Variants in RHOJ observed in about 807,000 individuals in gnomAD.
RHOJ encodes the protein ras homolog family member J.
A neutral mutation model predicts 23.4 loss-of-function variants in RHOJ; 11 were observed. That is an observed-to-expected ratio of 0.47 (90% CI 0.30 to 0.78). The LOEUF (loss-of-function observed/expected upper bound fraction) is 0.78, where lower values mean the gene tolerates loss of function less well. Among genes scored for constraint, RHOJ ranks in the 30% least tolerant of loss-of-function variants. The pLI is 0.08. For synonymous variants in RHOJ, 102 were observed against 102.7 expected (o/e 0.99, Z 0.04); for missense variants, 254 against 273.4 (o/e 0.93, Z 0.50).
At chr14:63,271,311 T>A (rs1402569122) in intron 2 of RHOJ, among the ~76,000 whole-genome samples, 1 of 152,232 alleles carries the variant, frequency 6.6e-6, no homozygotes, top group Non-Finnish European at 1.5e-5. Flanking sequence ...TTTTCACATA[T>A]AATCTCAAGA....
intron 1 of RHOJ, among the ~76,000 whole-genome samples, chr14:63,232,070 G>A (rs747535926): frequency 3.3e-5 from 5 of 152,160 alleles, no homozygotes; most frequent in African/African-American, 9.7e-5. Flanking sequence ...TGGCATGCCC[G>A]AGGCAGGGAA....
At chr14:63,282,107 G>C (rs191934124) in intron 3 of RHOJ, among the ~76,000 whole-genome samples, 1 of 152,132 alleles carries the variant, frequency 6.6e-6, no homozygotes, top group South Asian at 2.1e-4. Flanking sequence ...AAAGATAATC[G>C]TTTGTTTAAA....
chr14:63,205,020 G>T lies in RHOJ; in HGVS notation c.151G>T (p.Val51Leu). ...CAACGACGCCTTCCCAGAGGAATAC[G>T]TGCCCACTGTGTTTGACCACTATGC... ...YANDAFPEEY[V>L]PTVFDHYAVT... The change falls in exon 1 of 5, where the codon GTG (valine) becomes TTG (leucine). Residue 51 changes from valine to leucine, a missense_variant. Coordinates refer to ENST00000316754, the MANE Select transcript of RHOJ (RefSeq NM_020663.5). 6.2e-7 allele frequency: 1 copy of T among 1,614,146 alleles called. No individual in the cohort carries two copies. Among genetic ancestry groups the T allele is most frequent in the South Asian group, 1.1e-5 (1 of 91,062 alleles).
At chr14:63,218,499 A>G (rs1894414112) in intron 1 of RHOJ, among the ~76,000 whole-genome samples, 1 of 152,216 alleles carries the variant, frequency 6.6e-6, no homozygotes. Flanking sequence ...ATATGGTATC[A>G]TTTTAATAGA....
chr14:63,249,329 G>A (rs1895028726), intron 1 of RHOJ, among the ~76,000 whole-genome samples: 1 of 152,200 alleles, frequency 6.6e-6, no homozygotes, highest in African/African-American at 2.4e-5. Flanking sequence ...ACAGCAACAG[G>A]ATGCAGTCCA....
At chr14:63,253,814 T>G (rs968829891) in intron 1 of RHOJ, among the ~76,000 whole-genome samples, 37 of 152,332 alleles carry the variant, frequency 2.4e-4, no homozygotes, top group African/African-American at 8.7e-4. Flanking sequence ...AATGTGATAG[T>G]TAAAAACACA....
rs568587885 is a variant in RHOJ, at chr14:63,204,911, G to C, written c.42G>C (p.Arg14Ser). Reference sequence around the variant, plus strand: ...GAACTGACAGCAGCTGCGGCTGCAGGGGCAACGACGAGAAGAAGATGTTGA... The same window carrying C: ...GAACTGACAGCAGCTGCGGCTGCAGCGGCAACGACGAGAAGAAGATGTTGA... ...KEGTDSSCGC[R>S]GNDEKKMLKC... The change falls in exon 1 of 5, where the codon AGG (arginine) becomes AGC (serine). Residue 14 changes from arginine (R) to serine (S), a missense_variant. Transcript: ENST00000316754. The C allele has an allele frequency of 6.2e-7, 1 of 1,614,124 alleles. No homozygotes were observed. Among genetic ancestry groups the C allele is most frequent in the Non-Finnish European group, 8.5e-7 (1 of 1,180,010 alleles).
intron 1 of RHOJ, among the ~76,000 whole-genome samples, chr14:63,215,622 A>C (rs1894338359): frequency 1.3e-5 from 2 of 152,158 alleles, no homozygotes; most frequent in South Asian, 2.1e-4. Context: ...CGAAGCTCAG[A>C]GAAGTGACAT....
intron 1 of RHOJ, among the ~76,000 whole-genome samples, chr14:63,266,902 A>T (rs1341213427): frequency 6.6e-6 from 1 of 152,024 alleles, no homozygotes; most frequent in Non-Finnish European, 1.5e-5. Context: ...GCCTTTTCTG[A>T]TCCAGCTCCA....
chr14:63,256,037 T>TG (rs1555347157), intron 1 of RHOJ, among the ~76,000 whole-genome samples: 5 of 151,960 alleles, frequency 3.3e-5, no homozygotes, highest in Non-Finnish European at 1.5e-5. Context: ...CTAACTGTTT[T>TG]TTGTTGTTGT....
intron 1 of RHOJ, among the ~76,000 whole-genome samples, chr14:63,250,788 C>G (rs1895056800): frequency 6.6e-6 from 1 of 152,164 alleles, no homozygotes; most frequent in South Asian, 2.1e-4. Context: ...AATTCCAGCA[C>G]TTTGGGAGAC....
intron 2 of RHOJ, among the ~76,000 whole-genome samples, chr14:63,271,522 G>T (rs1377326995): frequency 6.6e-6 from 1 of 152,200 alleles, no homozygotes; most frequent in African/African-American, 2.4e-5. Context: ...CAGCTACTGT[G>T]CCCCACTCCA....
At chr14:63,245,823 G>A (rs994919396) in intron 1 of RHOJ, among the ~76,000 whole-genome samples, 2 of 152,164 alleles carry the variant, frequency 1.3e-5, no homozygotes, top group Non-Finnish European at 2.9e-5. Flanking sequence ...GATAGAAGAC[G>A]TCCACAGGTG....
intron 1 of RHOJ, among the ~76,000 whole-genome samples, chr14:63,240,401 A>G (rs1894863143): frequency 1.3e-5 from 2 of 152,330 alleles, no homozygotes; most frequent in African/African-American, 4.8e-5. Context: ...GAAATCCCAC[A>G]TTTCTTTAGG....
At chr14:63,232,739 C>G (rs1477027678) in intron 1 of RHOJ, among the ~76,000 whole-genome samples, 1 of 147,232 alleles carries the variant, frequency 6.8e-6, no homozygotes, top group Non-Finnish European at 1.5e-5. Context: ...CTCTGTCACC[C>G]AGGCTGCGAT....
At chr14:63,282,703 G>T (rs74384084) in intron 3 of RHOJ, among the ~76,000 whole-genome samples, 1 of 151,450 alleles carries the variant, frequency 6.6e-6, no homozygotes, top group Non-Finnish European at 1.5e-5. Context: ...AAAAAAGATG[G>T]GTTCAAAGCC....
intron 1 of RHOJ, among the ~76,000 whole-genome samples, chr14:63,245,082 T>C (rs1307259240): frequency 6.6e-6 from 1 of 152,208 alleles, no homozygotes; most frequent in African/African-American, 2.4e-5. Flanking sequence ...AGTTGCTGAA[T>C]AACTAAAATC....
chr14:63,276,769 C>T (rs570308891), intron 2 of RHOJ, among the ~76,000 whole-genome samples: 2 of 152,312 alleles, frequency 1.3e-5, no homozygotes, highest in African/African-American at 4.8e-5. Flanking sequence ...CCAACTTTTC[C>T]ATAATGTAAA....
In RHOJ at chr14:63,293,354, T is replaced by C. The variant is rs1278070753; in HGVS notation, c.*2330T>C. The stretch of plus-strand genomic sequence containing the variant: ...GCAAATAGCTCCCGAGGTCACCACT[T>C]CCCTAATGGGCCACAGGAAGTAAGT... On this transcript the variant is annotated 3_prime_UTR_variant, in exon 5 of 5. Coordinates refer to ENST00000316754, the MANE Select transcript of RHOJ (RefSeq NM_020663.5). 1 of 152,146 alleles carries C rather than the reference T, an allele frequency of 6.6e-6. No individual in the cohort carries two copies. Among genetic ancestry groups the C allele is most frequent in the Non-Finnish European group, 1.5e-5 (1 of 68,038 alleles). The allele number at this position is 152,146 out of a possible 1,614,324, so 9.4% of individuals were successfully genotyped here.
Sources: allele counts gnomAD v4.1 joint callset (sites outside exome capture counted in the v4.1 genomes callset), GRCh38; gene constraint gnomAD v4.1.1; transcripts MANE v1.5; gene names NCBI Gene and HGNC (gene_info 2026-07-23, HGNC 2026-07-21).